The following MINPP1 variants were observed in gnomAD, a reference collection of about 807,000 sequenced individuals.
MINPP1 encodes multiple inositol polyphosphate phosphatase 1.
Under a neutral mutation model 46.1 loss-of-function variants are expected in MINPP1, and 28 were observed. That is an observed-to-expected ratio of 0.61 (90% CI 0.45 to 0.83). The LOEUF (loss-of-function observed/expected upper bound fraction) is 0.83. MINPP1 is among the 40% of genes least tolerant of loss of function. The probability of loss-of-function intolerance (pLI) is 0.00; values close to 1 mark genes in which losing one functional copy is unlikely to be tolerated. For missense variants in MINPP1, 603 were observed against 610.0 expected (o/e 0.99, Z 0.12); for synonymous variants, 268 against 249.1 (o/e 1.08, Z -0.72).
chr10:87,528,370 C>A (rs1477662758), intron 4 of MINPP1, among the ~76,000 whole-genome samples: 1 of 151,650 alleles, frequency 6.6e-6, no homozygotes, highest in Non-Finnish European at 1.5e-5. Context: ...CCCTGTACAC[C>A]CTGCTTTAAA....
At chr10:87,508,201 C>A in intron 1 of MINPP1, 135 bp from the exon 2 acceptor site, 2 of 1,548,738 alleles carry the variant, frequency 1.3e-6, no homozygotes, top group South Asian at 2.4e-5. Flanking sequence ...GTTTCCTGAC[C>A]AATATGTGCT....
At chr10:87,507,994 A>G in intron 1 of MINPP1, 5 of 1,394,148 alleles carry the variant, frequency 3.6e-6, no homozygotes, top group Non-Finnish European at 4.6e-6. Flanking sequence ...CCTTGTAAGT[A>G]GAAACTTTGC....
chr10:87,517,332 C>T (rs1277184163), intron 3 of MINPP1, among the ~76,000 whole-genome samples: 1 of 152,100 alleles, frequency 6.6e-6, no homozygotes, highest in Non-Finnish European at 1.5e-5. Flanking sequence ...AGGTCACAGA[C>T]ATTTCTCAGG....
rs144923192 is a variant in MINPP1 at position 87,550,607 on chromosome 10, T to C, written c.1068-1475T>C. On this transcript the variant is annotated intron_variant, in intron 4 of 4. Coordinates refer to ENST00000371996, the MANE Select transcript of MINPP1 (RefSeq NM_004897.5). ...GTTATTTTGATATGAATTGTTTTCC[T>C]GAACATTTAGAAAAAGGTTTGTGTC... 4.0e-3 allele frequency among the ~76,000 whole-genome samples: 611 copies of C among 152,258 alleles called. 4 individuals are homozygous for C. Among genetic ancestry groups the C allele is most frequent in the African/African-American group, 0.014 (599 of 41,558 alleles).
intron 4 of MINPP1, among the ~76,000 whole-genome samples, chr10:87,538,555 GA>G (rs1261378186): frequency 2.0e-5 from 3 of 152,178 alleles, no homozygotes; most frequent in Non-Finnish European, 4.4e-5. Flanking sequence ...TTTGCTTGAG[GA>G]AGAAAAATGT....
rs1851977556 is a variant in MINPP1 at position 87,552,358 on chromosome 10, A to G, written c.1344A>G (p.Ser448=). 1 of 1,613,600 alleles carries G rather than the reference A, an allele frequency of 6.2e-7. No individual in the cohort carries two copies. The highest frequency in any genetic ancestry group is 1.1e-5 in the South Asian group (1 of 91,072). The change falls in exon 5 of 5, where the codon TCA becomes TCG. Residue 448 remains serine, a synonymous_variant. Transcript: ENST00000371996. ...AAAAGGTGTTACCTTTGGCTTACTC[A>G]CAAGAAACTGTTTCATTTTATGAAG... ...LNEKVLPLAY[S]QETVSFYEDL...
chr10:87,545,990 A>G (rs1416557025), intron 4 of MINPP1, among the ~76,000 whole-genome samples: 3 of 152,210 alleles, frequency 2.0e-5, no homozygotes, highest in Non-Finnish European at 2.9e-5. Context: ...CGGAGGCCAC[A>G]TGGTTCTTGG....
chr10:87,540,202 TC>T (rs1851794149), intron 4 of MINPP1, among the ~76,000 whole-genome samples: 1 of 152,184 alleles, frequency 6.6e-6, no homozygotes, highest in Non-Finnish European at 1.5e-5. Flanking sequence ...CTTGGTCCTT[TC>T]TGTCATGGTA....
chr10:87,550,737 C>A (rs574326819), intron 4 of MINPP1, among the ~76,000 whole-genome samples: 4 of 151,902 alleles, frequency 2.6e-5, no homozygotes, highest in African/African-American at 7.3e-5. Flanking sequence ...TCCCCTCCCC[C>A]CACTTTCATC....
At position 87,505,592 on chromosome 10, in the gene MINPP1, C is replaced by T; in HGVS notation, c.637+40C>T. ...GGCCCGTGTGCTGTCCCGGTCCTCCCACCCGCCCTGGATGCTCTCCCGCCT... is the reference window on the plus strand; with the variant it reads ...GGCCCGTGTGCTGTCCCGGTCCTCCTACCCGCCCTGGATGCTCTCCCGCCT... On this transcript the variant is annotated intron_variant, in intron 1 of 4. Coordinates refer to ENST00000371996, the MANE Select transcript of MINPP1 (RefSeq NM_004897.5). The surrounding 1 kb of genome is among the most constrained non-coding windows in gnomAD (Gnocchi z 4.4). The T allele has an allele frequency of 6.4e-7, 1 of 1,567,536 alleles. No homozygotes were observed. Among genetic ancestry groups the T allele is most frequent in the Non-Finnish European group, 8.6e-7 (1 of 1,163,532 alleles).
At chr10:87,549,169 G>GTT (rs923805923) in intron 4 of MINPP1, among the ~76,000 whole-genome samples, 3 of 152,138 alleles carry the variant, frequency 2.0e-5, no homozygotes, top group African/African-American at 7.2e-5. Context: ...GGGGGAAGGT[G>GTT]TTTACTGCCT....
intron 3 of MINPP1, among the ~76,000 whole-genome samples, chr10:87,513,743 T>C (rs1239162863): frequency 6.6e-6 from 1 of 152,224 alleles, no homozygotes; most frequent in Non-Finnish European, 1.5e-5. Context: ...ACTATATTAG[T>C]TTCCTATTGG....
intron 2 of MINPP1, among the ~76,000 whole-genome samples, chr10:87,512,404 C>T (rs549303614): frequency 1.3e-5 from 2 of 152,218 alleles, no homozygotes; most frequent in South Asian, 4.2e-4. Context: ...TGTGCTTCTC[C>T]TCCTTGGCTG....
chr10:87,544,590 A>G (rs1440959544), intron 4 of MINPP1, among the ~76,000 whole-genome samples: 1 of 152,224 alleles, frequency 6.6e-6, no homozygotes, highest in Admixed American at 6.5e-5. Flanking sequence ...GCAAAAAGAC[A>G]GCACTTTGGA....
intron 4 of MINPP1, among the ~76,000 whole-genome samples, chr10:87,534,491 T>G (rs1053540653): frequency 7.2e-5 from 11 of 152,268 alleles, no homozygotes; most frequent in Non-Finnish European, 1.5e-5. Context: ...GTAGGTCTAC[T>G]AAGTAGTTAT....
intron 4 of MINPP1, among the ~76,000 whole-genome samples, chr10:87,531,007 G>T (rs1851652099): frequency 6.6e-6 from 1 of 152,346 alleles, no homozygotes. Flanking sequence ...CGAGCCAGGC[G>T]CAGGATATAA....
At chr10:87,508,934 G>A (rs1211102190) in intron 2 of MINPP1, among the ~76,000 whole-genome samples, 1 of 152,150 alleles carries the variant, frequency 6.6e-6, no homozygotes, top group Non-Finnish European at 1.5e-5. Context: ...ATGTGTAAGA[G>A]GGGTAAGTTT....
chr10:87,540,024 G>T (rs1201383466), intron 4 of MINPP1, among the ~76,000 whole-genome samples: 1 of 152,144 alleles, frequency 6.6e-6, no homozygotes, highest in Non-Finnish European at 1.5e-5. Flanking sequence ...GCGCCACAGC[G>T]CCTGGCTAAT....
At chr10:87,541,062 G>T (rs955666055) in intron 4 of MINPP1, among the ~76,000 whole-genome samples, 1 of 152,296 alleles carries the variant, frequency 6.6e-6, no homozygotes, top group African/African-American at 2.4e-5. Flanking sequence ...TCCATTTTTG[G>T]TGTCTGTATA....
Sources: allele counts gnomAD v4.1 joint callset (sites outside exome capture counted in the v4.1 genomes callset), GRCh38; gene constraint gnomAD v4.1.1; non-coding constraint Gnocchi (gnomAD v3.1); transcripts MANE v1.5; gene names NCBI Gene and HGNC (gene_info 2026-07-23, HGNC 2026-07-21).